Variants in TAOK3 observed in about 807,000 individuals in gnomAD.
TAOK3 encodes the protein TAO kinase 3.
Under a neutral mutation model 120.4 loss-of-function variants are expected in TAOK3, and 40 were observed. The ratio of observed to expected loss-of-function variants is 0.33; its 90% confidence interval spans 0.26 to 0.43. TAOK3 has a LOEUF of 0.43. Ranked by LOEUF, TAOK3 falls within the 20% of genes least tolerant of loss-of-function variation. The pLI is 1.00. For synonymous variants in TAOK3, 355 were observed against 387.5 expected (o/e 0.92, Z 0.99); for missense variants, 821 against 1,112.1 (o/e 0.74, Z 3.72).
At chr12:118,222,409 T>C (rs1032141577) in intron 9 of TAOK3, among the ~76,000 whole-genome samples, 2 of 152,052 alleles carry the variant, frequency 1.3e-5, no homozygotes, top group East Asian at 3.9e-4. Flanking sequence ...GGCACGTGCC[T>C]GTAGTCCCAG....
intron 5 of TAOK3, among the ~76,000 whole-genome samples, chr12:118,240,547 T>C (rs1436148028): frequency 6.6e-6 from 1 of 151,798 alleles, no homozygotes; most frequent in Admixed American, 6.6e-5. Flanking sequence ...GGTTTCACCA[T>C]GTTGGCCAGC....
At chr12:118,171,323 ATC>A (rs2035982108) in intron 17 of TAOK3, among the ~76,000 whole-genome samples, 1 of 152,096 alleles carries the variant, frequency 6.6e-6, no homozygotes. Context: ...CATGACTTCT[ATC>A]TCTCTATCAT....
intron 9 of TAOK3, 64 bp from the exon 10 acceptor site, chr12:118,214,174 G>C: frequency 7.9e-7 from 1 of 1,269,772 alleles, no homozygotes; most frequent in East Asian, 2.3e-5. Context: ...AGAGAAATAA[G>C]AAACTATGAG....
intron 5 of TAOK3, 126 bp from the exon 6 acceptor site, chr12:118,239,398 G>A: frequency 1.8e-6 from 1 of 567,784 alleles, no homozygotes; most frequent in Non-Finnish European, 3.1e-6. Context: ...ACCCGAACTT[G>A]GACTGAATTT....
intron 1 of TAOK3, among the ~76,000 whole-genome samples, chr12:118,346,088 A>G (rs962938598): frequency 1.3e-5 from 2 of 152,242 alleles, no homozygotes; most frequent in African/African-American, 4.8e-5. Flanking sequence ...TATAGAATAT[A>G]AATTTTATTT....
At chr12:118,172,764 T>G in intron 16 of TAOK3, 104 bp from the exon 17 acceptor site, 1 of 1,069,478 alleles carries the variant, frequency 9.4e-7, no homozygotes, top group Admixed American at 1.9e-5. Flanking sequence ...AATGCAGATG[T>G]AAGCACAGAA....
At chr12:118,165,037 C>A (rs1345759772) in intron 17 of TAOK3, among the ~76,000 whole-genome samples, 3 of 151,962 alleles carry the variant, frequency 2.0e-5, no homozygotes, top group African/African-American at 7.2e-5. Context: ...CCCTCAGCGA[C>A]CTTATAAGGA....
chr12:118,187,939 G>A (rs939876642), intron 14 of TAOK3, among the ~76,000 whole-genome samples: 1 of 152,302 alleles, frequency 6.6e-6, no homozygotes, highest in Middle Eastern at 3.4e-3. Flanking sequence ...CCACAGAGAA[G>A]AAGACTGTGA....
At chr12:118,202,930 C>T (rs2038103081) in intron 11 of TAOK3, among the ~76,000 whole-genome samples, 1 of 151,802 alleles carries the variant, frequency 6.6e-6, no homozygotes, top group Non-Finnish European at 1.5e-5. Context: ...CAGGCATGCA[C>T]CACCATGCCT....
At chr12:118,223,645 ATTT>A (rs370848653) in intron 9 of TAOK3, among the ~76,000 whole-genome samples, 1 of 135,856 alleles carries the variant, frequency 7.4e-6, no homozygotes, top group African/African-American at 2.7e-5. Flanking sequence ...CGCACCCGGC[ATTT>A]TTTTTTTTTT....
chr12:118,367,249 A>T (rs772339676), intron 1 of TAOK3, among the ~76,000 whole-genome samples: 14 of 152,176 alleles, frequency 9.2e-5, no homozygotes, highest in Non-Finnish European at 1.5e-5. Flanking sequence ...ATTAGAAATA[A>T]CTTAGAAAGA....
intron 1 of TAOK3, among the ~76,000 whole-genome samples, chr12:118,335,591 A>G (rs2044334922): frequency 6.6e-6 from 1 of 152,156 alleles, no homozygotes; most frequent in Admixed American, 6.5e-5. Flanking sequence ...GCACTTTGGA[A>G]GGCCGAGCTG....
At chr12:118,362,516 G>C (rs2045630002) in intron 1 of TAOK3, among the ~76,000 whole-genome samples, 1 of 151,934 alleles carries the variant, frequency 6.6e-6, no homozygotes, top group African/African-American at 2.4e-5. Context: ...GGTGGTAAGT[G>C]CTATGGAGAA....
chr12:118,266,181 C>G (rs960346675), intron 2 of TAOK3, among the ~76,000 whole-genome samples: 8 of 151,990 alleles, frequency 5.3e-5, no homozygotes, highest in African/African-American at 1.9e-4. Flanking sequence ...AATAGAAACT[C>G]AAAGATTTTT....
chr12:118,328,009 C>A (rs2043999416), intron 1 of TAOK3, among the ~76,000 whole-genome samples: 1 of 151,928 alleles, frequency 6.6e-6, no homozygotes, highest in South Asian at 2.1e-4. Context: ...ATATGCAGAA[C>A]TAAGATCTCC....
chr12:118,306,446 G>A (rs185431835), intron 1 of TAOK3, among the ~76,000 whole-genome samples: 14 of 152,186 alleles, frequency 9.2e-5, no homozygotes, highest in African/African-American at 3.4e-4. Context: ...CCAAAATACT[G>A]GGATTACAGG....
At chr12:118,211,384 G>A (rs2038623535) in intron 11 of TAOK3, among the ~76,000 whole-genome samples, 1 of 152,054 alleles carries the variant, frequency 6.6e-6, no homozygotes, top group African/African-American at 2.4e-5. Flanking sequence ...ATCTTTAGAA[G>A]TTTTATTTTT....
chr12:118,201,536 G>A, intron 11 of TAOK3, 73 bp from the exon 12 acceptor site: 2 of 1,305,414 alleles, frequency 1.5e-6, no homozygotes, highest in South Asian at 1.9e-5. Context: ...AGATATAAAA[G>A]GAAATAGAGA....
chr12:118,300,014 T>G (rs920314521), intron 1 of TAOK3, among the ~76,000 whole-genome samples: 1 of 152,168 alleles, frequency 6.6e-6, no homozygotes, highest in African/African-American at 2.4e-5. Context: ...AAGCTGAATA[T>G]GTACAAATAA....
Sources: allele counts gnomAD v4.1 joint callset (sites outside exome capture counted in the v4.1 genomes callset), GRCh38; gene constraint gnomAD v4.1.1; transcripts MANE v1.5; gene names NCBI Gene and HGNC (gene_info 2026-07-23, HGNC 2026-07-21).